The following CNGB3 variants were observed in gnomAD, a reference collection of about 807,000 sequenced individuals.
CNGB3 encodes the protein cyclic nucleotide-gated channel beta-3.
Under a neutral mutation model 92.8 loss-of-function variants are expected in CNGB3, and 86 were observed. That is an observed-to-expected ratio of 0.93 (90% CI 0.78 to 1.11). The LOEUF (loss-of-function observed/expected upper bound fraction) is 1.11. Ranked by LOEUF, CNGB3 falls within the 50% of genes least tolerant of loss-of-function variation. The pLI, the probability that CNGB3 is intolerant of heterozygous loss-of-function variation, is 0.00. For synonymous variants in CNGB3, 333 were observed against 332.7 expected (o/e 1.00, Z -0.01); for missense variants, 1,026 against 956.8 (o/e 1.07, Z -0.95).
chr8:86,657,578 C>A, intron 6 of CNGB3: 1 of 431,092 alleles, frequency 2.3e-6, no homozygotes. Context: ...GTGGGCGAGG[C>A]TCATCTTGCA....
chr8:86,631,534 A>T (rs1047671735), intron 11 of CNGB3, among the ~76,000 whole-genome samples: 1 of 152,194 alleles, frequency 6.6e-6, no homozygotes, highest in Non-Finnish European at 1.5e-5. Context: ...ATTGACTGTG[A>T]TATGACAACT....
chr8:86,658,312 G>T, intron 6 of CNGB3: 1 of 494,978 alleles, frequency 2.0e-6, no homozygotes. Flanking sequence ...AGTTCCTCCG[G>T]GATGCTTGGC....
At chr8:86,618,549 C>T (rs1366988077) in intron 13 of CNGB3, among the ~76,000 whole-genome samples, 5 of 152,276 alleles carry the variant, frequency 3.3e-5, no homozygotes, top group Middle Eastern at 3.4e-3. Context: ...AGGGCAGAAA[C>T]AACATGGCTG....
intron 14 of CNGB3, among the ~76,000 whole-genome samples, chr8:86,610,122 G>C (rs951383428): frequency 1.7e-4 from 26 of 152,096 alleles, no homozygotes; most frequent in Non-Finnish European, 1.5e-5. Context: ...AATAATACTG[G>C]TATATGGCCT....
intron 3 of CNGB3, among the ~76,000 whole-genome samples, chr8:86,679,518 CTTTCTT>C (rs754680291): frequency 2.1e-4 from 27 of 127,288 alleles, no homozygotes; most frequent in Admixed American, 1.0e-3. Context: ...TTCTTTCTTT[CTTTCTT>C]TTTCTTTTTC....
At chr8:86,694,178 A>AC (rs1237773605) in intron 3 of CNGB3, among the ~76,000 whole-genome samples, 12 of 62,694 alleles carry the variant, frequency 1.9e-4, no homozygotes, top group South Asian at 5.8e-4. Context: ...CGGGGGGCTG[A>AC]CCCCCCCCAC....
At chr8:86,592,073 G>A (rs574582404) in intron 15 of CNGB3, among the ~76,000 whole-genome samples, 62 of 152,354 alleles carry the variant, frequency 4.1e-4, no homozygotes, top group Middle Eastern at 3.4e-3. Flanking sequence ...TCGGAAAAGC[G>A]CAGTATTCGG....
At chr8:86,659,099 T>A in intron 6 of CNGB3, 1 of 750,804 alleles carries the variant, frequency 1.3e-6, no homozygotes, top group Non-Finnish European at 2.3e-6. Flanking sequence ...CAGCGATCTG[T>A]TCCCTCAGTT....
intron 3 of CNGB3, among the ~76,000 whole-genome samples, chr8:86,715,645 G>A (rs1276328125): frequency 6.6e-6 from 1 of 152,018 alleles, no homozygotes; most frequent in Non-Finnish European, 1.5e-5. Context: ...TCTAAACCAA[G>A]ATGAAATCTG....
At chr8:86,600,776 A>ATTTTTTTTTTTTTTTTTTTTT (rs533111246) in intron 15 of CNGB3, among the ~76,000 whole-genome samples, 1 of 38,400 alleles carries the variant, frequency 2.6e-5, no homozygotes, top group African/African-American at 9.3e-5. Context: ...CGCTCGGCTA[A>ATTTTTTTTTTTTTTTTTTTTT]TTTTTTTTTT....
Position 86,617,703 on chromosome 8 carries a change from G to A in CNGB3, c.1579-6032C>T, listed in dbSNP as rs573896986. Among the ~76,000 whole-genome samples the A allele has an allele frequency of 3.3e-5, 5 of 152,164 alleles. No individual in the cohort carries two copies. The East Asian group carries it at 7.7e-4, about 24-fold the overall frequency. The stretch of plus-strand genomic sequence containing the variant: ...CTTCGTCAAACTTTCTCTGAAAATT[G>A]GCAATAGTTCTAATTTTCTAGGAGT... On this transcript the variant is annotated intron_variant, in intron 13 of 17. Transcript: ENST00000320005.
chr8:86,613,628 T>A (rs1311223424), intron 13 of CNGB3, among the ~76,000 whole-genome samples: 5 of 152,110 alleles, frequency 3.3e-5, no homozygotes, highest in Non-Finnish European at 7.4e-5. Context: ...TTGTAAATGA[T>A]CAGAAATAGA....
At chr8:86,740,795 A>G (rs1825327192) in intron 1 of CNGB3, among the ~76,000 whole-genome samples, 1 of 152,176 alleles carries the variant, frequency 6.6e-6, no homozygotes. Flanking sequence ...TAATATTATT[A>G]TATTATTGAA....
At chr8:86,665,227 T>C (rs999564321) in intron 6 of CNGB3, among the ~76,000 whole-genome samples, 38 of 152,072 alleles carry the variant, frequency 2.5e-4, no homozygotes, top group African/African-American at 8.7e-4. Flanking sequence ...TACCATCTCA[T>C]ACAAGTCAGA....
intron 15 of CNGB3, among the ~76,000 whole-genome samples, chr8:86,588,840 A>G (rs1343655173): frequency 6.6e-6 from 1 of 151,290 alleles, no homozygotes; most frequent in African/African-American, 2.4e-5. Flanking sequence ...TATCAGAATG[A>G]TGCTGGCCTC....
chr8:86,739,623 T>TA (rs554333543), intron 2 of CNGB3, 32 bp downstream of exon 2: 1 of 1,285,858 alleles, frequency 7.8e-7, no homozygotes, highest in Non-Finnish European at 1.0e-6. Flanking sequence ...CTTTTTAGTT[T>TA]TTTTTTTTTT....
At chr8:86,691,958 T>C (rs1486360882) in intron 3 of CNGB3, among the ~76,000 whole-genome samples, 1 of 152,226 alleles carries the variant, frequency 6.6e-6, no homozygotes, top group Non-Finnish European at 1.5e-5. Flanking sequence ...AATTTTTTAA[T>C]GTTCATCTTG....
At chr8:86,730,298 A>C (rs1171361795) in intron 2 of CNGB3, among the ~76,000 whole-genome samples, 1 of 152,254 alleles carries the variant, frequency 6.6e-6, no homozygotes, top group Non-Finnish European at 1.5e-5. Context: ...AATGCTGGAC[A>C]GGAGGGATTC....
At chr8:86,632,409 A>T (rs570007686) in intron 11 of CNGB3, among the ~76,000 whole-genome samples, 88 of 152,272 alleles carry the variant, frequency 5.8e-4, no homozygotes, top group African/African-American at 1.8e-3. Flanking sequence ...GAAGTCAATT[A>T]TAACCCAGTG....
Sources: allele counts gnomAD v4.1 joint callset (sites outside exome capture counted in the v4.1 genomes callset), GRCh38; gene constraint gnomAD v4.1.1; transcripts MANE v1.5; gene names NCBI Gene and HGNC (gene_info 2026-07-23, HGNC 2026-07-21).